Variants in LIPI observed in about 807,000 individuals in gnomAD.
LIPI encodes lipase member I.
Under a neutral mutation model 50.6 loss-of-function variants are expected in LIPI, and 59 were observed. That is an observed-to-expected ratio of 1.16 (90% CI 0.94 to 1.45). The LOEUF (loss-of-function observed/expected upper bound fraction) is 1.45. LIPI is among the 40% of genes most tolerant of loss of function. LIPI has a pLI of 0.00. For synonymous variants in LIPI, 203 were observed against 178.2 expected, an observed-to-expected ratio of 1.14 and a Z score of -1.11; for missense variants, 586 against 536.3, an observed-to-expected ratio of 1.09 and a Z score of -0.92.
chr21:14,159,807 C>G (rs1600875816), intron 7 of LIPI, among the ~76,000 whole-genome samples: 2 of 151,256 alleles, frequency 1.3e-5, no homozygotes, highest in South Asian at 4.2e-4. Context: ...GAAACAAATT[C>G]AACACAAAAG....
At chr21:14,134,145 C>CACTT (rs1248454999) in intron 9 of LIPI, among the ~76,000 whole-genome samples, 1 of 152,068 alleles carries the variant, frequency 6.6e-6, no homozygotes, top group African/African-American at 2.4e-5. Flanking sequence ...GTGGGAGGAT[C>CACTT]ACTTGGGCCC....
At chr21:14,171,830 CA>C (rs2018920618) in intron 4 of LIPI, among the ~76,000 whole-genome samples, 1 of 150,880 alleles carries the variant, frequency 6.6e-6, no homozygotes. Flanking sequence ...TCTAAAACAC[CA>C]AAAGCAATGG....
chr21:14,208,655 C>T (rs2020286666), intron 1 of LIPI, among the ~76,000 whole-genome samples: 1 of 152,222 alleles, frequency 6.6e-6, no homozygotes, highest in South Asian at 2.1e-4. Flanking sequence ...CTTGTTTATG[C>T]ATTATCTACT....
intron 1 of LIPI, among the ~76,000 whole-genome samples, chr21:14,191,990 A>T (rs775734962): frequency 6.6e-6 from 1 of 152,228 alleles, no homozygotes; most frequent in Non-Finnish European, 1.5e-5. Flanking sequence ...CAAGAAAAAC[A>T]GTGTTACCTA....
intron 4 of LIPI, among the ~76,000 whole-genome samples, chr21:14,171,711 T>C (rs2018915097): frequency 6.6e-6 from 1 of 151,820 alleles, no homozygotes; most frequent in African/African-American, 2.4e-5. Context: ...ATACAAAAAT[T>C]AATTCAAGAC....
chr21:14,129,190 C>A (rs1310339467), intron 9 of LIPI, among the ~76,000 whole-genome samples: 1 of 151,736 alleles, frequency 6.6e-6, no homozygotes, highest in Non-Finnish European at 1.5e-5. Flanking sequence ...AAATTGGGGA[C>A]CAATCAGGGA....
chr21:14,208,906 C>T (rs1171125236), intron 1 of LIPI, among the ~76,000 whole-genome samples: 1 of 152,044 alleles, frequency 6.6e-6, no homozygotes, highest in East Asian at 1.9e-4. Context: ...ACAAAATTAG[C>T]CAGGCGTGGT....
intron 9 of LIPI, among the ~76,000 whole-genome samples, chr21:14,137,789 G>A (rs1003404467): frequency 4.6e-5 from 7 of 152,144 alleles, no homozygotes; most frequent in African/African-American, 9.6e-5. Context: ...AGATTTAACC[G>A]AAAGACTACC....
chr21:14,185,234 G>A (rs370977989), intron 3 of LIPI, among the ~76,000 whole-genome samples: 3 of 152,294 alleles, frequency 2.0e-5, no homozygotes, highest in East Asian at 3.9e-4. Flanking sequence ...CAAATTGGAT[G>A]CAACTCCTGA....
intron 1 of LIPI, among the ~76,000 whole-genome samples, chr21:14,205,663 A>G (rs2020205556): frequency 6.6e-6 from 1 of 151,908 alleles, no homozygotes; most frequent in African/African-American, 2.4e-5. Flanking sequence ...TGTGATTTCT[A>G]TTGTCTGTAT....
chr21:14,201,594 A>G (rs2020056392), intron 1 of LIPI, among the ~76,000 whole-genome samples: 1 of 152,192 alleles, frequency 6.6e-6, no homozygotes, highest in Admixed American at 6.6e-5. Context: ...CCATATGATT[A>G]TCTCAGTAGA....
chr21:14,179,515 C>T (rs1371372656), intron 4 of LIPI, among the ~76,000 whole-genome samples: 1 of 151,834 alleles, frequency 6.6e-6, no homozygotes, highest in Non-Finnish European at 1.5e-5. Flanking sequence ...GTCAAAAATG[C>T]AAACAAAAAT....
At chr21:14,185,527 A>T (rs1193074914) in intron 3 of LIPI, among the ~76,000 whole-genome samples, 2 of 152,232 alleles carry the variant, frequency 1.3e-5, no homozygotes, top group African/African-American at 4.8e-5. Context: ...AATATAACAT[A>T]GAAAAAATAA....
chr21:14,188,933 T>C (rs1490008178), intron 2 of LIPI, 101 bp downstream of exon 2: 1 of 1,015,370 alleles, frequency 9.8e-7, no homozygotes, highest in Non-Finnish European at 1.5e-6. Flanking sequence ...AAGTATATAG[T>C]TTATTATCAC....
At chr21:14,163,378 A>T (rs757569070) in intron 7 of LIPI, 41 bp downstream of exon 7, 1 of 982,988 alleles carries the variant, frequency 1.0e-6, no homozygotes, top group Admixed American at 1.7e-5. Context: ...TGCAAAAAAA[A>T]CTAAAAATTT....
rs751002495 is a variant in LIPI at position 14,163,429 on chromosome 21, A to T, written c.996T>A (p.Tyr332Ter). The change falls in exon 7 of 10, where the codon TAT becomes TAA. Residue 332 changes from tyrosine to a stop codon, truncating the protein, a stop_gained. Transcript: ENST00000681601. LOFTEE classifies it high-confidence loss of function. ...TTGTTAATAACTTACTACAGAATGG[A>T]TATGTACCACTTGTATCCAAAAACA... ...TTVFLDTSGT[Y>*]PFCTYYFVLS... 1 of 1,455,640 alleles carries T rather than the reference A, an allele frequency of 6.9e-7. No homozygotes were observed. The highest frequency in any genetic ancestry group is 9.7e-7 in the Non-Finnish European group (1 of 1,036,030). The allele number at this position is 1,455,640 out of a possible 1,614,324, so 90.2% of individuals were successfully genotyped here.
chr21:14,167,075 C>T (rs913657045), intron 4 of LIPI, among the ~76,000 whole-genome samples: 42 of 152,312 alleles, frequency 2.8e-4, no homozygotes, highest in African/African-American at 8.9e-4. Flanking sequence ...ACACATGGCT[C>T]GGAGGGTCCT....
At chr21:14,173,898 G>A (rs2019005043) in intron 4 of LIPI, among the ~76,000 whole-genome samples, 1 of 152,210 alleles carries the variant, frequency 6.6e-6, no homozygotes, top group Admixed American at 6.5e-5. Flanking sequence ...TGGGACAATG[G>A]TGAGGGTATG....
chr21:14,180,498 T>C (rs1306140115), intron 4 of LIPI, among the ~76,000 whole-genome samples: 1 of 152,186 alleles, frequency 6.6e-6, no homozygotes, highest in African/African-American at 2.4e-5. Flanking sequence ...CCGACACTTA[T>C]GGAAAATAGA....
Sources: gnomAD v4.1 joint callset for allele counts (sites outside exome capture counted in the v4.1 genomes callset) on GRCh38, gnomAD v4.1.1 for gene constraint, MANE v1.5 for transcripts, NCBI Gene and HGNC (gene_info 2026-07-23, HGNC 2026-07-21) for gene names.